Variants in DENND5A observed in about 807,000 individuals in gnomAD.
The protein encoded by DENND5A is DENN domain containing 5A, also known as DENN domain-containing protein 5A.
DENND5A carries 64 observed loss-of-function variants against 140.3 expected under a neutral mutation model. The ratio of observed to expected loss-of-function variants is 0.46; its 90% confidence interval spans 0.37 to 0.56. DENND5A has a LOEUF of 0.56. Among genes scored for constraint, DENND5A ranks in the 20% least tolerant of loss-of-function variants. The pLI is 0.00. For missense variants in DENND5A, 1,292 were observed against 1,593.8 expected (o/e 0.81, Z 3.22); for synonymous variants, 605 against 607.7 (o/e 1.00, Z 0.07).
intron 11 of DENND5A, 36 bp from the exon 12 acceptor site, chr11:9,160,901 A>T: frequency 6.2e-7 from 1 of 1,607,290 alleles, no homozygotes; most frequent in Non-Finnish European, 8.5e-7. Flanking sequence ...AAATAACCAC[A>T]GTGAGCAGGA....
intron 5 of DENND5A, among the ~76,000 whole-genome samples, chr11:9,183,005 T>C (rs539575184): frequency 6.6e-6 from 1 of 152,362 alleles, no homozygotes; most frequent in East Asian, 1.9e-4. Flanking sequence ...GATCATTACA[T>C]ACATGTACTG....
intron 1 of DENND5A, among the ~76,000 whole-genome samples, chr11:9,250,929 T>A (rs763657172): frequency 3.3e-5 from 5 of 151,434 alleles, no homozygotes; most frequent in Non-Finnish European, 5.9e-5. Context: ...AGGTCAGGAG[T>A]TCGAGGCCAG....
Position 9,139,829 on chromosome 11 carries a change from C to T in DENND5A, c.3706G>A (p.Ala1236Thr). The T allele has an allele frequency of 6.2e-7, 1 of 1,614,064 alleles. No homozygotes were observed. Among genetic ancestry groups the T allele is most frequent in the South Asian group, 1.1e-5 (1 of 91,074 alleles). The change falls in exon 23 of 23, where the codon GCC becomes ACC. Residue 1236 changes from alanine (A) to threonine (T), a missense_variant. Around this residue, in one of 4 missense-constraint regions of DENND5A, gnomAD observed 498 missense variants for 689.7 expected, o/e 0.72. Coordinates refer to ENST00000328194, the MANE Select transcript of DENND5A (RefSeq NM_015213.4). ...ARDHLLHHWI[A>T]LLADCPITAH... Reference sequence around the variant, plus strand: ...GTGATGGGGCAGTCAGCCAGCAGGGCAATCCAGTGGTGTAGGAGGTGATCT... The same window carrying T: ...GTGATGGGGCAGTCAGCCAGCAGGGTAATCCAGTGGTGTAGGAGGTGATCT...
intron 11 of DENND5A, among the ~76,000 whole-genome samples, chr11:9,161,629 G>C (rs985740750): frequency 6.6e-6 from 1 of 152,102 alleles, no homozygotes; most frequent in African/African-American, 2.4e-5. Context: ...ATTTTCAACT[G>C]CTTATTGTAA....
intron 16 of DENND5A, 142 bp from the exon 17 acceptor site, chr11:9,145,957 C>T (rs1590205195): frequency 1.2e-6 from 1 of 866,088 alleles, no homozygotes; most frequent in Non-Finnish European, 1.8e-6. Flanking sequence ...AACAAGAGGG[C>T]CCCAGGACCT....
Position 9,152,361 on chromosome 11 carries a change from A to C in DENND5A, c.2518T>G (p.Ser840Ala). 1 of 1,605,908 alleles carries C rather than the reference A, an allele frequency of 6.2e-7. No individual in the cohort carries two copies. The highest frequency in any genetic ancestry group is 1.1e-5 in the South Asian group (1 of 90,904). Reference protein sequence around the residue: ...RKLTSGSLSTSGILLDSERRK... With the variant: ...RKLTSGSLSTAGILLDSERRK... ...TCCATTGCAGAGACTATCTTACCTG[A>C]GGTACTGAGGCTTCCTGATGTGAGT... The change falls in exon 13 of 23, where the codon TCA becomes GCA. Residue 840 changes from serine (S) to alanine (A), a missense_variant. By Grantham distance (99) the Ser-to-Ala change is moderately conservative (BLOSUM62 1). Around this residue, in one of 4 missense-constraint regions of DENND5A, gnomAD observed 498 missense variants for 689.7 expected, o/e 0.72. Transcript: ENST00000328194.
chr11:9,164,725 TATAAG>T (rs753497871), intron 11 of DENND5A, among the ~76,000 whole-genome samples: 2 of 152,220 alleles, frequency 1.3e-5, no homozygotes, highest in African/African-American at 2.4e-5. Context: ...TGTTTCTAGA[TATAAG>T]ATATCATTGC....
intron 1 of DENND5A, among the ~76,000 whole-genome samples, chr11:9,222,775 A>G (rs1412583182): frequency 6.6e-6 from 1 of 152,228 alleles, no homozygotes; most frequent in Non-Finnish European, 1.5e-5. Flanking sequence ...AACCCTGGAT[A>G]CAGCCTTGAC....
intron 3 of DENND5A, among the ~76,000 whole-genome samples, chr11:9,205,154 A>G (rs1379238817): frequency 6.6e-6 from 1 of 152,224 alleles, no homozygotes; most frequent in Non-Finnish European, 1.5e-5. Context: ...ACTTCTTTTC[A>G]CATCAAAAAG....
intron 8 of DENND5A, among the ~76,000 whole-genome samples, chr11:9,174,102 CAAAAAAAAAAAAAAAAAAA>C: frequency 2.4e-5 from 1 of 42,150 alleles, no homozygotes; most frequent in South Asian, 1.4e-3. Flanking sequence ...GACTCCGTCT[CAAAAAAAAAAAAAAAAAAA>C]AAAAAAAAGA....
intron 1 of DENND5A, among the ~76,000 whole-genome samples, chr11:9,263,286 T>C (rs1472005265): frequency 6.6e-6 from 1 of 151,106 alleles, no homozygotes; most frequent in Non-Finnish European, 1.5e-5. Context: ...ACTGGCGCAA[T>C]CTCAGCTCAC....
intron 22 of DENND5A, among the ~76,000 whole-genome samples, chr11:9,141,591 T>C (rs986262470): frequency 3.3e-5 from 5 of 152,096 alleles, no homozygotes; most frequent in Non-Finnish European, 7.4e-5. Context: ...AGAATAAAAA[T>C]GAAGGAATAC....
chr11:9,246,624 A>C (rs1419928544), intron 1 of DENND5A, among the ~76,000 whole-genome samples: 1 of 151,734 alleles, frequency 6.6e-6, no homozygotes, highest in Non-Finnish European at 1.5e-5. Flanking sequence ...AAAAAAAAAA[A>C]AAAAAAAGGA....
intron 1 of DENND5A, among the ~76,000 whole-genome samples, chr11:9,251,812 A>AC (rs1851732422): frequency 6.7e-6 from 1 of 150,364 alleles, no homozygotes; most frequent in African/African-American, 2.5e-5. Context: ...ACACAGTGAA[A>AC]CCCCGTCTCT....
At chr11:9,145,285 G>C in intron 17 of DENND5A, 172 bp from the exon 18 acceptor site, 1 of 609,296 alleles carries the variant, frequency 1.6e-6, no homozygotes, top group South Asian at 2.0e-5. Context: ...TATCTCATGG[G>C]GGTGCCCAAG....
chr11:9,218,258 CA>C, intron 1 of DENND5A, among the ~76,000 whole-genome samples: 1 of 137,700 alleles, frequency 7.3e-6, no homozygotes, highest in Admixed American at 7.3e-5. Flanking sequence ...GACCCCGTCT[CA>C]AAAAAATAAA....
rs76267821 is a variant in DENND5A, at chr11:9,222,728, C to T, written c.110-15096G>A. Reference sequence around the variant, plus strand: ...GTGAGCACCAACCAATCAGAACAAACACTAGCCATACACATATGGCATATA... The same window carrying T: ...GTGAGCACCAACCAATCAGAACAAATACTAGCCATACACATATGGCATATA... On this transcript the variant is annotated intron_variant, in intron 1 of 22. Coordinates refer to ENST00000328194, the MANE Select transcript of DENND5A (RefSeq NM_015213.4). Among the ~76,000 whole-genome samples the T allele has an allele frequency of 9.5e-3, 1,453 of 152,284 alleles. 26 individuals carry two copies. Among genetic ancestry groups the T allele is most frequent in the African/African-American group, 0.033 (1,376 of 41,562 alleles).
chr11:9,219,550 C>A (rs891628712), intron 1 of DENND5A, among the ~76,000 whole-genome samples: 60 of 152,172 alleles, frequency 3.9e-4, no homozygotes, highest in African/African-American at 1.4e-3. Flanking sequence ...ATATGCTCTG[C>A]CAAAACGAGA....
intron 1 of DENND5A, among the ~76,000 whole-genome samples, chr11:9,257,797 CT>C (rs749671777): frequency 3.6e-3 from 477 of 132,250 alleles, no homozygotes; most frequent in Middle Eastern, 4.3e-3. Context: ...ACACAGTATT[CT>C]TTTTTTTTTT....
Sources: allele counts gnomAD v4.1 joint callset (sites outside exome capture counted in the v4.1 genomes callset), GRCh38; gene constraint gnomAD v4.1.1; regional missense constraint gnomAD v4.1.1; transcripts MANE v1.5; gene names NCBI Gene and HGNC (gene_info 2026-07-23, HGNC 2026-07-21).